Variants in RPH3A observed in about 807,000 individuals in gnomAD.
RPH3A encodes rabphilin-3A.
In RPH3A, 48 loss-of-function variants were observed where a neutral mutation model predicts 102.2. The observed-to-expected ratio is 0.47, with a 90% CI of 0.37 to 0.60. The LOEUF is 0.60. Ranked by LOEUF, RPH3A falls within the 20% of genes least tolerant of loss-of-function variation. The pLI is 0.00. For missense variants in RPH3A, 781 were observed against 910.1 expected (o/e 0.86, Z 1.83); for synonymous variants, 310 against 324.3 (o/e 0.96, Z 0.47).
chr12:112,816,515 G>A (rs2041673721), intron 2 of RPH3A, among the ~76,000 whole-genome samples: 1 of 152,148 alleles, frequency 6.6e-6, no homozygotes, highest in Non-Finnish European at 1.5e-5. Context: ...ATAGGAAAAG[G>A]GTAATGTGGT....
At chr12:112,800,925 C>T (rs79990161) in intron 2 of RPH3A, among the ~76,000 whole-genome samples, 1,999 of 152,266 alleles carry the variant, frequency 0.013, 46 homozygotes, top group African/African-American at 0.046. Context: ...TCCACGCTAG[C>T]TAAAATGCAC....
At chr12:112,707,213 A>C (rs1227791277) in intron 1 of RPH3A, among the ~76,000 whole-genome samples, 4 of 152,216 alleles carry the variant, frequency 2.6e-5, no homozygotes, top group Non-Finnish European at 5.9e-5. Context: ...CCTGGCTGGA[A>C]TCCTATATTT....
intron 7 of RPH3A, 102 bp from the exon 8 acceptor site, chr12:112,868,328 G>C (rs1369293320): frequency 8.6e-7 from 1 of 1,166,188 alleles, no homozygotes; most frequent in Non-Finnish European, 1.2e-6. Context: ...TATTGTGTCA[G>C]TGTGCTTTGG....
At chr12:112,694,188 C>G (rs994026909) in intron 1 of RPH3A, among the ~76,000 whole-genome samples, 1 of 152,200 alleles carries the variant, frequency 6.6e-6, no homozygotes, top group African/African-American at 2.4e-5. Context: ...CTTCGCAACA[C>G]CGCCCCAACT....
chr12:112,883,279 C>A lies in RPH3A; in HGVS notation c.1327-14C>A. On this transcript the variant is annotated splice_polypyrimidine_tract_variant and intron_variant, in intron 15 of 21. Coordinates refer to ENST00000389385, the MANE Select transcript of RPH3A (RefSeq NM_001143854.2). ...CTGAGGTAGGTGTCTCTGTCCATCT[C>A]TCTCGGGCTCTAGTCCAACAAGCTT... The A allele has an allele frequency of 1.2e-6, 2 of 1,607,734 alleles. No individual in the cohort carries two copies. The highest frequency in any genetic ancestry group is 8.5e-7 in the Non-Finnish European group (1 of 1,174,646).
chr12:112,580,628 G>A (rs998279912), intron 1 of RPH3A, among the ~76,000 whole-genome samples: 2 of 151,826 alleles, frequency 1.3e-5, no homozygotes, highest in Non-Finnish European at 1.5e-5. Context: ...GGATGGTCTC[G>A]ATCTCCTGAC....
chr12:112,609,994 T>C (rs1275305029), intron 1 of RPH3A, among the ~76,000 whole-genome samples: 1 of 152,152 alleles, frequency 6.6e-6, no homozygotes, highest in Non-Finnish European at 1.5e-5. Flanking sequence ...AAACTCAGAC[T>C]CTTCCTACAG....
intron 1 of RPH3A, among the ~76,000 whole-genome samples, chr12:112,618,473 A>C (rs555103551): frequency 6.6e-6 from 1 of 152,160 alleles, no homozygotes; most frequent in Non-Finnish European, 1.5e-5. Context: ...ATATCTTGCT[A>C]GTTGGGCAGG....
At position 112,881,807 on chromosome 12, in the gene RPH3A, T is replaced by G. The variant is rs2042918787; in HGVS notation, c.1287T>G (p.Asp429Glu). ...LKPMDSNGLA[D>E]PYVKLHLLPG... ...CCATGGATTCAAACGGCTTGGCTGA[T>G]CCCTACGTTAAGCTGCACCTCCTGC... The change falls in exon 15 of 22, where the codon GAT (aspartate) becomes GAG (glutamate). Residue 429 changes from aspartate (D) to glutamate (E), a missense_variant. By Grantham distance (45) the Asp-to-Glu change is conservative. Transcript: ENST00000389385. 6.2e-7 allele frequency: 1 copy of G among 1,612,790 alleles called. No homozygotes were observed. The highest frequency in any genetic ancestry group is 8.5e-7 in the Non-Finnish European group (1 of 1,179,238).
rs1565882420 is a variant in RPH3A, at chr12:112,791,895, A to AGAGAGAGAGAGAGAGAGG, written c.-247_-246insGAGAGAGGGAGAGAGAGA. On this transcript the variant is annotated 5_prime_UTR_variant, in exon 1 of 22. Transcript: ENST00000389385. The stretch of plus-strand genomic sequence containing the variant: ...GAGAGAGAGAGAGAGAGAGAGAGAG[A>AGAGAGAGAGAGAGAGAGG]GAGAGAGAGACTCACAGAGCTAAAA... The AGAGAGAGAGAGAGAGAGG allele has an allele frequency of 6.6e-6, 1 of 150,702 alleles. No individual in the cohort carries two copies. The highest frequency in any genetic ancestry group is 2.5e-5 in the African/African-American group (1 of 40,568). 9.3% of individuals were successfully genotyped at this position (150,702 alleles called of 1,614,324 possible).
intron 1 of RPH3A, among the ~76,000 whole-genome samples, chr12:112,595,166 A>T (rs200733404): frequency 5.8e-5 from 1 of 17,158 alleles, no homozygotes; most frequent in Non-Finnish European, 8.2e-5. Context: ...AATAACTGCT[A>T]AATTCAGTGA....
intron 5 of RPH3A, among the ~76,000 whole-genome samples, chr12:112,858,091 A>G (rs2042440129): frequency 6.6e-6 from 1 of 151,904 alleles, no homozygotes; most frequent in South Asian, 2.1e-4. Flanking sequence ...TGAGCAATAT[A>G]GTGAGACCTC....
chr12:112,654,953 C>A (rs2040000033), intron 1 of RPH3A, among the ~76,000 whole-genome samples: 1 of 152,210 alleles, frequency 6.6e-6, no homozygotes. Flanking sequence ...CCCCATTTTG[C>A]TGGCAGAGCA....
At chr12:112,613,607 C>T (rs1478984361) in intron 1 of RPH3A, among the ~76,000 whole-genome samples, 1 of 152,108 alleles carries the variant, frequency 6.6e-6, no homozygotes, top group Non-Finnish European at 1.5e-5. Flanking sequence ...GAAGCAGAAC[C>T]TGGGCAACAT....
chr12:112,725,155 G>A (rs1477940414), intron 1 of RPH3A, among the ~76,000 whole-genome samples: 4 of 148,036 alleles, frequency 2.7e-5, no homozygotes, highest in South Asian at 4.3e-4. Flanking sequence ...AGGCTGAGGC[G>A]GGAGAATTGC....
chr12:112,727,450 C>T (rs1242177810), intron 1 of RPH3A, among the ~76,000 whole-genome samples: 1 of 10,438 alleles, frequency 9.6e-5, no homozygotes, highest in East Asian at 0.014. Flanking sequence ...CATACACACA[C>T]AGACACAGAC....
At chr12:112,834,589 C>T (rs770120849) in intron 3 of RPH3A, among the ~76,000 whole-genome samples, 42 of 152,222 alleles carry the variant, frequency 2.8e-4, no homozygotes, top group Non-Finnish European at 4.9e-4. Context: ...AGCTTCCCTA[C>T]CACCTCAGCA....
chr12:112,588,388 G>A lies in RPH3A; in HGVS notation c.-140+13069G>A, dbSNP rs570882110. On this transcript the variant is annotated intron_variant, in intron 1 of 21. Coordinates refer to the RPH3A transcript ENST00000543106. Reference sequence around the variant, plus strand: ...AGAGGAGCAAAGGCATGTCTTACATGAAAGAAAGTGCGTGCAGGGGAACAA... The same window carrying A: ...AGAGGAGCAAAGGCATGTCTTACATAAAAGAAAGTGCGTGCAGGGGAACAA... Among the ~76,000 whole-genome samples the A allele has an allele frequency of 2.0e-5, 3 of 149,766 alleles. No homozygotes were observed. The South Asian group carries it at 7.1e-4, about 36-fold the overall frequency.
At chr12:112,869,824 A>G (rs2042675397) in intron 9 of RPH3A, 27 bp downstream of exon 9, 2 of 1,613,988 alleles carry the variant, frequency 1.2e-6, no homozygotes, top group Middle Eastern at 1.6e-4. Flanking sequence ...CTGTTTTGTC[A>G]TTTGAGACAC....
Sources: allele counts gnomAD v4.1 joint callset (sites outside exome capture counted in the v4.1 genomes callset), GRCh38; gene constraint gnomAD v4.1.1; transcripts MANE v1.5; gene names NCBI Gene and HGNC (gene_info 2026-07-23, HGNC 2026-07-21).